The following IL1RAPL2 variants were observed in gnomAD, a reference collection of about 807,000 sequenced individuals.
IL1RAPL2 encodes interleukin 1 receptor accessory protein like 2.
In IL1RAPL2, 3 loss-of-function variants were observed where a neutral mutation model predicts 44.1. The observed-to-expected ratio is 0.07, with a 90% CI of 0.03 to 0.18. The LOEUF (loss-of-function observed/expected upper bound fraction) is 0.18. Among genes scored for constraint, IL1RAPL2 ranks in the 10% least tolerant of loss-of-function variants. IL1RAPL2 has a pLI of 1.00. For missense variants in IL1RAPL2, 391 were observed against 496.4 expected (o/e 0.79, Z 2.02); for synonymous variants, 181 against 178.8 (o/e 1.01, Z -0.10).
At chrX:104,582,512 CTT>C (rs372283112) in intron 1 of IL1RAPL2, among the ~76,000 whole-genome samples, 64 of 107,188 alleles carry the variant, frequency 6.0e-4, no homozygotes, top group African/African-American at 2.1e-3. Context: ...CTCTCTCTCT[CTT>C]TCTTTCTTTT....
At chrX:105,106,369 C>A (rs1420396443) in intron 2 of IL1RAPL2, among the ~76,000 whole-genome samples, 1 of 110,798 alleles carries the variant, frequency 9.0e-6, no homozygotes, top group East Asian at 2.8e-4. Context: ...ACTGGATTGG[C>A]AGCCATGGAG....
chrX:105,115,596 A>G (rs1346967556), intron 2 of IL1RAPL2, among the ~76,000 whole-genome samples: 1 of 112,431 alleles, frequency 8.9e-6, no homozygotes, highest in Non-Finnish European at 1.9e-5. Flanking sequence ...CTTGAGCTAG[A>G]TGCAGAGTGC....
intron 5 of IL1RAPL2, among the ~76,000 whole-genome samples, chrX:105,460,278 A>G (rs2036084691): frequency 9.0e-6 from 1 of 111,352 alleles, no homozygotes; most frequent in African/African-American, 3.3e-5. Context: ...GAGGAAGTAC[A>G]TCCCCAATTT....
At chrX:105,150,095 A>T (rs1162810881) in intron 2 of IL1RAPL2, among the ~76,000 whole-genome samples, 1 of 110,727 alleles carries the variant, frequency 9.0e-6, no homozygotes, top group African/African-American at 3.3e-5. Context: ...AGATTAGTTC[A>T]ACATCAATAT....
chrX:104,738,718 T>C (rs889439652), intron 2 of IL1RAPL2, among the ~76,000 whole-genome samples: 1 of 111,171 alleles, frequency 9.0e-6, no homozygotes, highest in African/African-American at 3.3e-5. Context: ...GGTGGGAGGA[T>C]TGCTTGAGGC....
chrX:105,584,532 G>GT (rs11461799), intron 6 of IL1RAPL2, among the ~76,000 whole-genome samples: 38,361 of 100,163 alleles, frequency 0.38, 5,843 homozygotes, highest in African/African-American at 0.44. Context: ...AGTTGTTTCT[G>GT]TTTTTTTTTT....
intron 6 of IL1RAPL2, among the ~76,000 whole-genome samples, chrX:105,545,286 T>A (rs1415216991): frequency 8.9e-6 from 1 of 112,071 alleles, no homozygotes; most frequent in Admixed American, 9.5e-5. Flanking sequence ...TCTGGGAACA[T>A]CCTTATTTAG....
intron 4 of IL1RAPL2, among the ~76,000 whole-genome samples, chrX:105,243,601 A>T (rs1357337088): frequency 2.3e-5 from 2 of 85,245 alleles, no homozygotes; most frequent in African/African-American, 1.5e-4. Context: ...ATATATATAT[A>T]TATATTTTTT....
At chrX:104,644,025 G>A (rs186865865) in intron 1 of IL1RAPL2, among the ~76,000 whole-genome samples, 1 of 111,296 alleles carries the variant, frequency 9.0e-6, no homozygotes, top group Admixed American at 9.5e-5. Flanking sequence ...TTGGCATGGT[G>A]GTAAACAGAG....
intron 7 of IL1RAPL2, among the ~76,000 whole-genome samples, chrX:105,721,381 A>G (rs1284694497): frequency 9.1e-6 from 1 of 109,465 alleles, no homozygotes; most frequent in African/African-American, 3.4e-5. Flanking sequence ...ATGCTATTGC[A>G]CTATAGCCCG....
chrX:104,618,832 C>T (rs914630755), intron 1 of IL1RAPL2, among the ~76,000 whole-genome samples: 1 of 111,308 alleles, frequency 9.0e-6, no homozygotes, highest in Non-Finnish European at 1.9e-5. Context: ...GATCTATGCC[C>T]ATGAAGGGTC....
chrX:104,868,534 T>C (rs770085548), intron 2 of IL1RAPL2, among the ~76,000 whole-genome samples: 26 of 112,377 alleles, frequency 2.3e-4, no homozygotes, highest in Non-Finnish European at 4.3e-4. Context: ...AGAAAAGAAC[T>C]TGATAACTTG....
At chrX:104,954,429 A>T (rs1925661351) in intron 2 of IL1RAPL2, among the ~76,000 whole-genome samples, 1 of 112,990 alleles carries the variant, frequency 8.9e-6, no homozygotes, top group Non-Finnish European at 1.9e-5. Flanking sequence ...CAAGACAGAC[A>T]TAGTTTCTCT....
intron 5 of IL1RAPL2, among the ~76,000 whole-genome samples, chrX:105,480,386 T>C (rs1227795831): frequency 8.9e-6 from 1 of 112,068 alleles, no homozygotes; most frequent in African/African-American, 3.2e-5. Flanking sequence ...AAGAAGGCAG[T>C]AATAGTAGTA....
At chrX:105,300,563 C>T (rs1453247096) in intron 5 of IL1RAPL2, among the ~76,000 whole-genome samples, 1 of 111,139 alleles carries the variant, frequency 9.0e-6, no homozygotes, top group Non-Finnish European at 1.9e-5. Flanking sequence ...GGCAGGGACA[C>T]AGATCTGAAC....
At chrX:104,853,745 T>C (rs1217396360) in intron 2 of IL1RAPL2, among the ~76,000 whole-genome samples, 2 of 107,444 alleles carry the variant, frequency 1.9e-5, no homozygotes, top group African/African-American at 6.8e-5. Flanking sequence ...CTACTAAAAA[T>C]ACAAAACATT....
intron 4 of IL1RAPL2, among the ~76,000 whole-genome samples, chrX:105,257,474 C>T (rs753421054): frequency 1.9e-4 from 21 of 111,274 alleles, no homozygotes; most frequent in South Asian, 3.8e-4. Flanking sequence ...ATGTTAAGTT[C>T]GGGTCTTGAA....
intron 1 of IL1RAPL2, among the ~76,000 whole-genome samples, chrX:104,569,350 A>G (rs1234435027): frequency 2.7e-5 from 3 of 112,009 alleles, no homozygotes; most frequent in African/African-American, 9.7e-5. Context: ...GTGCCCCTGG[A>G]CTGTGGCATT....
At chrX:105,383,662 T>C (rs2035454567) in intron 5 of IL1RAPL2, among the ~76,000 whole-genome samples, 1 of 112,198 alleles carries the variant, frequency 8.9e-6, no homozygotes, top group Admixed American at 9.5e-5. Flanking sequence ...GTAGCTCTAT[T>C]TTTAGTTTTT....
Sources: allele counts gnomAD v4.1 joint callset (sites outside exome capture counted in the v4.1 genomes callset), GRCh38; gene constraint gnomAD v4.1.1; transcripts MANE v1.5; gene names NCBI Gene and HGNC (gene_info 2026-07-23, HGNC 2026-07-21).